TTC32: variants seen among roughly 807,000 people sequenced by gnomAD.
TTC32 encodes the protein tetratricopeptide repeat domain 32.
A neutral mutation model predicts 15.3 loss-of-function variants in TTC32; 16 were observed. The ratio of observed to expected loss-of-function variants is 1.05; its 90% CI spans 0.71 to 1.59. TTC32 has a LOEUF of 1.59. Among genes scored for constraint, TTC32 ranks in the 40% most tolerant of loss-of-function variants. The pLI is 0.00. For synonymous variants in TTC32, 89 were observed against 67.8 expected (o/e 1.31, Z -1.53); for missense variants, 188 against 181.9 (o/e 1.03, Z -0.19).
At chr2:19,901,539 G>C in intron 1 of TTC32, 167 bp downstream of exon 1, 1 of 902,992 alleles carries the variant, frequency 1.1e-6, no homozygotes. Flanking sequence ...CCTCGTCCTA[G>C]GCCTCGCCTA....
At chr2:19,898,989 GT>G (rs1167197772) in intron 1 of TTC32, among the ~76,000 whole-genome samples, 6 of 152,210 alleles carry the variant, frequency 3.9e-5, no homozygotes, top group African/African-American at 1.2e-4. Flanking sequence ...ATACCCCGTA[GT>G]AAAAAGTATA....
intron 1 of TTC32, chr2:19,901,460 G>A (rs1373556522): frequency 2.7e-6 from 1 of 376,192 alleles, no homozygotes; most frequent in Non-Finnish European, 4.3e-6. Flanking sequence ...CTTGGTTCCC[G>A]GAAATCTCTC....
At chr2:19,899,894 G>C (rs1359357582) in intron 1 of TTC32, among the ~76,000 whole-genome samples, 3 of 152,092 alleles carry the variant, frequency 2.0e-5, no homozygotes, top group Non-Finnish European at 4.4e-5. Context: ...ATAAATGTAA[G>C]CTCCAAAAGA....
chr2:19,896,681 CATT>C lies in TTC32; in HGVS notation c.*303_*305del, dbSNP rs2103365815. On this transcript the variant is annotated 3_prime_UTR_variant, in exon 3 of 3. Coordinates refer to ENST00000333610, the MANE Select transcript of TTC32 (RefSeq NM_001008237.3). ...ACTTTCAACTTTTCTGCAGATGTAA[CATT>C]TTTTAAATAAAAAGTTGAGAATAAA... The C allele has an allele frequency of 6.5e-6, 1 of 153,614 alleles. No homozygotes were observed. The highest frequency in any genetic ancestry group is 2.4e-5 in the African/African-American group (1 of 41,586). 9.5% of individuals were successfully genotyped at this position (153,614 alleles called of 1,614,324 possible). A position where few individuals can be genotyped will look rare whatever the true frequency, so the allele number is the denominator to read the frequency against.
At chr2:19,899,906 AAATTGAAGGGAAAAAGTTG>A (rs1441139316) in intron 1 of TTC32, among the ~76,000 whole-genome samples, 10 of 152,218 alleles carry the variant, frequency 6.6e-5, no homozygotes, top group African/African-American at 2.4e-4. Flanking sequence ...TCCAAAAGAT[AAATTGAAGGGAAAAAGTTG>A]AAATGACAGA....
At chr2:19,898,111 T>G in intron 1 of TTC32, 76 bp from the exon 2 acceptor site, 1 of 1,379,256 alleles carries the variant, frequency 7.3e-7, no homozygotes, top group Non-Finnish European at 9.7e-7. Flanking sequence ...CTCTTTTGGG[T>G]ATTGTCAAAC....
At position 19,900,950 on chromosome 2, in the gene TTC32, G is replaced by A. The variant is rs577540864; in HGVS notation, c.149+756C>T. The A allele has an allele frequency of 1.1e-5, 4 of 354,740 alleles. No homozygotes were observed. In the East Asian group the frequency reaches 3.7e-4, roughly 33 times the overall value. 22.0% of individuals were successfully genotyped at this position (354,740 alleles called of 1,614,324 possible). On this transcript the variant is annotated intron_variant, in intron 1 of 2. Coordinates refer to ENST00000333610, the MANE Select transcript of TTC32 (RefSeq NM_001008237.3). ...TTTCCTCAACAAATAAAGAGGGGAA[G>A]GTGGAGAAGAGACTTAAAAAGACTT...
chr2:19,901,647 A>C (rs2103368519), intron 1 of TTC32, 59 bp downstream of exon 1: 2 of 1,570,738 alleles, frequency 1.3e-6, no homozygotes, highest in East Asian at 4.5e-5. Context: ...AGGAGCCCAA[A>C]CAACCCCAAC....
In TTC32 at chr2:19,897,851, A is replaced by C. The variant is rs762429828; in HGVS notation, c.316+18T>G. 6 of 1,474,876 alleles carry C rather than the reference A, an allele frequency of 4.1e-6. No individual in the cohort carries two copies. The highest frequency in any genetic ancestry group is 2.9e-5 in the South Asian group (2 of 70,134). The allele number at this position is 1,474,876 out of a possible 1,614,324, so 91.4% of individuals were successfully genotyped here. A position where few individuals can be genotyped will look rare whatever the true frequency, so the allele number is the denominator to read the frequency against. On this transcript the variant is annotated intron_variant, in intron 2 of 2. Transcript: ENST00000333610. ...AATACAGTCAATGACAAAACTCAAAAAGAAAAAAAATTCTTACCCAGCCTA... is the reference window on the plus strand; with the variant it reads ...AATACAGTCAATGACAAAACTCAAACAGAAAAAAAATTCTTACCCAGCCTA...
Position 19,898,024 on chromosome 2 carries a change from G to C in TTC32, c.161C>G (p.Pro54Arg), listed in dbSNP as rs1454127452. The C allele has an allele frequency of 6.5e-7, 1 of 1,534,262 alleles. No homozygotes were observed. Among genetic ancestry groups the C allele is most frequent in the East Asian group, 2.3e-5 (1 of 43,592 alleles). Reference sequence around the variant, plus strand: ...GTTATATGCAGTAGCCAAATCCTCAGGGCTGCATTTGCTTTAAACAAAAAG... The same window carrying C: ...GTTATATGCAGTAGCCAAATCCTCACGGCTGCATTTGCTTTAAACAAAAAG... ...SDESPGSKCS[P>R]EDLATAYNNR... Residue 54 changes from proline to arginine, a missense_variant, in exon 2 of 3, where the codon CCT (proline) becomes CGT (arginine). Physicochemically the swap from Pro to Arg is moderately radical, Grantham distance 103 (BLOSUM62 -2). Coordinates refer to ENST00000333610, the MANE Select transcript of TTC32 (RefSeq NM_001008237.3).
rs1669518867 is a variant in TTC32, at chr2:19,896,890, T to C, written c.*97A>G. 1 of 1,190,978 alleles carries C rather than the reference T, an allele frequency of 8.4e-7. No homozygotes were observed. 73.8% of individuals were successfully genotyped at this position (1,190,978 alleles called of 1,614,324 possible). A position where few individuals can be genotyped will look rare whatever the true frequency, so the allele number is the denominator to read the frequency against. ...AACTTTCAGTGCTAATGTATTAATTTCTTAAATATAAATCAAAATAGCTCA... is the reference window on the plus strand; with the variant it reads ...AACTTTCAGTGCTAATGTATTAATTCCTTAAATATAAATCAAAATAGCTCA... On this transcript the variant is annotated 3_prime_UTR_variant, in exon 3 of 3. Coordinates refer to ENST00000333610, the MANE Select transcript of TTC32 (RefSeq NM_001008237.3).
intron 1 of TTC32, among the ~76,000 whole-genome samples, chr2:19,898,968 AC>A (rs1218460939): frequency 6.6e-6 from 1 of 152,216 alleles, no homozygotes; most frequent in Non-Finnish European, 1.5e-5. Flanking sequence ...TTCATCTGTC[AC>A]TTCTTTGTAA....
chr2:19,898,274 T>G, intron 1 of TTC32: 1 of 363,326 alleles, frequency 2.8e-6, no homozygotes, highest in Non-Finnish European at 5.0e-6. Context: ...CATACTAACT[T>G]TACAGTGTGT....
In TTC32 at chr2:19,897,037, T is replaced by G; in HGVS notation, c.406A>C (p.Ile136Leu). The G allele has an allele frequency of 6.2e-7, 1 of 1,605,684 alleles. No individual in the cohort carries two copies. Among genetic ancestry groups the G allele is most frequent in the Non-Finnish European group, 8.5e-7 (1 of 1,176,390 alleles). Residue 136 changes from isoleucine to leucine, a missense_variant, in exon 3 of 3, where the codon ATT (isoleucine) becomes CTT (leucine). Transcript: ENST00000333610. ...QDATLSLKQT[I>L]LDKEEKQRRN... ...CTTTGTTTTTCTTCTTTGTCTAGAATAGTCTGTTTTAAGCTCAAAGTAGCA... is the reference window on the plus strand; with the variant it reads ...CTTTGTTTTTCTTCTTTGTCTAGAAGAGTCTGTTTTAAGCTCAAAGTAGCA...
intron 2 of TTC32, 119 bp downstream of exon 2, chr2:19,897,749 TA>T: frequency 1.2e-6 from 1 of 851,144 alleles, no homozygotes; most frequent in Non-Finnish European, 1.7e-6. Flanking sequence ...TTCCAAGCTC[TA>T]AACCTAAATT....
chr2:19,898,113 T>C (rs12328613), intron 1 of TTC32, 78 bp from the exon 2 acceptor site: 249,673 of 1,339,056 alleles, frequency 0.19, 26,709 homozygotes, highest in East Asian at 0.43. Context: ...CTTTTGGGTA[T>C]TGTCAAACTT....
rs1669522981 is a variant in TTC32, at chr2:19,897,128, T to C, written c.317-2A>G. The C allele has an allele frequency of 1.9e-6, 3 of 1,587,314 alleles. No homozygotes were observed. The highest frequency in any genetic ancestry group is 1.7e-6 in the Non-Finnish European group (2 of 1,172,322). The stretch of plus-strand genomic sequence containing the variant: ...CTTCCAAAGCATCATCAAAATATCC[T>C]GTACCAGAACCCAAAAAATGGAAAA... On this transcript the variant is annotated splice_acceptor_variant, in intron 2 of 2. Transcript: ENST00000333610. LOFTEE classifies it high-confidence loss of function.
intron 1 of TTC32, chr2:19,901,363 C>CT (rs1669599792): frequency 3.0e-6 from 1 of 337,984 alleles, no homozygotes; most frequent in Admixed American, 4.5e-5. Flanking sequence ...CCTATCTGTC[C>CT]TAAGTCTCTG....
In TTC32 at chr2:19,901,723, G is replaced by A; in HGVS notation, c.132C>T (p.Ser44=). ...YIRRCACAAS[S]DESPGSKCSP... is the part of the protein sequence containing the mutation. The stretch of plus-strand genomic sequence containing the variant: ...ATAGTTACCTCCCGGGACTCTCGTC[G>A]CTGGAGGCCGCGCAAGCGCACCGGC... Residue 44 remains serine (S), a synonymous_variant, in exon 1 of 3, where the codon AGC becomes AGT. Coordinates refer to ENST00000333610, the MANE Select transcript of TTC32 (RefSeq NM_001008237.3). The A allele has an allele frequency of 6.2e-7, 1 of 1,612,996 alleles. No homozygotes were observed.
Sources: gnomAD v4.1 joint callset for allele counts (sites outside exome capture counted in the v4.1 genomes callset) on GRCh38, gnomAD v4.1.1 for gene constraint, MANE v1.5 for transcripts, NCBI Gene and HGNC (gene_info 2026-07-23, HGNC 2026-07-21) for gene names.